MUC7: variants seen among roughly 807,000 people sequenced by gnomAD.
MUC7 encodes mucin-7.
Under a neutral mutation model 2.5 loss-of-function variants are expected in MUC7, and 2 were observed. That is an observed-to-expected ratio of 0.81 (90% CI 0.33 to 2.55). MUC7 has a LOEUF of 2.55. Ranked by LOEUF, MUC7 falls within the 30% of genes most tolerant of loss-of-function variation. MUC7 has a pLI of 0.11. For synonymous variants in MUC7, 133 were observed against 173.4 expected (o/e 0.77, Z 1.83); for missense variants, 408 against 455.6 (o/e 0.90, Z 0.95).
In MUC7 at chr4:70,480,018, A is replaced by C. The variant is rs557018197; in HGVS notation, c.55-781A>C. On this transcript the variant is annotated intron_variant, in intron 2 of 2. Coordinates refer to ENST00000304887, the MANE Select transcript of MUC7 (RefSeq NM_152291.3). ...AAAGCCTTTCAGCAGGTGTATTGATAAAAGATCAAGTATCAGATGTACAGT... is the reference window on the plus strand; with the variant it reads ...AAAGCCTTTCAGCAGGTGTATTGATCAAAGATCAAGTATCAGATGTACAGT... 2.2e-4 allele frequency among the ~76,000 whole-genome samples: 34 copies of C among 152,340 alleles called. 1 individual carries two copies. In the South Asian group the frequency reaches 6.6e-3, roughly 30 times the overall value.
At chr4:70,455,621 G>A (rs1229675896) in intron 1 of MUC7, among the ~76,000 whole-genome samples, 1 of 151,918 alleles carries the variant, frequency 6.6e-6, no homozygotes, top group African/African-American at 2.4e-5. Context: ...GATTAAATTG[G>A]GAGAAAGATA....
At chr4:70,459,272 C>A (rs1734489852) in intron 1 of MUC7, among the ~76,000 whole-genome samples, 1 of 152,132 alleles carries the variant, frequency 6.6e-6, no homozygotes, top group South Asian at 2.1e-4. Flanking sequence ...GAGTTCATGT[C>A]CTTTGTAGGG....
At chr4:70,477,673 G>A (rs1314739430) in intron 2 of MUC7, among the ~76,000 whole-genome samples, 1 of 151,948 alleles carries the variant, frequency 6.6e-6, no homozygotes, top group Non-Finnish European at 1.5e-5. Flanking sequence ...TTTGCAAATG[G>A]AGAAACATTC....
In MUC7 at chr4:70,482,220, C is replaced by T. The variant is rs2109751664; in HGVS notation, c.*342C>T. The T allele has an allele frequency of 4.0e-6, 1 of 251,192 alleles. No homozygotes were observed. Among genetic ancestry groups the T allele is most frequent in the Non-Finnish European group, 7.6e-6 (1 of 131,252 alleles). 15.6% of individuals were successfully genotyped at this position (251,192 alleles called of 1,614,324 possible). On this transcript the variant is annotated 3_prime_UTR_variant, in exon 3 of 3. Coordinates refer to ENST00000304887, the MANE Select transcript of MUC7 (RefSeq NM_152291.3). ...CTGAATGTTAGAAACTACAAAACCA[C>T]TACCTTGTACCCCCATCAAAATCCC...
intron 1 of MUC7, among the ~76,000 whole-genome samples, chr4:70,464,528 T>TCGCTG (rs1173681560): frequency 6.6e-6 from 1 of 152,108 alleles, no homozygotes; most frequent in Non-Finnish European, 1.5e-5. Flanking sequence ...CACAACAGTC[T>TCGCTG]GAAGTCAATC....
At chr4:70,447,679 A>G (rs1055897203) in intron 1 of MUC7, among the ~76,000 whole-genome samples, 2 of 152,096 alleles carry the variant, frequency 1.3e-5, no homozygotes, top group Non-Finnish European at 2.9e-5. Flanking sequence ...AGGTGTATAT[A>G]TTTGTGGGTT....
At chr4:70,450,693 T>A (rs1260572903) in intron 1 of MUC7, among the ~76,000 whole-genome samples, 1 of 152,112 alleles carries the variant, frequency 6.6e-6, no homozygotes, top group Admixed American at 6.6e-5. Flanking sequence ...GTTCTTTCCT[T>A]CAAGGCAGCA....
chr4:70,468,105 C>T (rs747009271), upstream of MUC7, among the ~76,000 whole-genome samples: 41 of 152,110 alleles, frequency 2.7e-4, no homozygotes, highest in Admixed American at 3.9e-4. Context: ...GTTCAACATA[C>T]GCAAATCAAT....
chr4:70,450,879 C>T (rs1318428821), intron 1 of MUC7, among the ~76,000 whole-genome samples: 1 of 152,098 alleles, frequency 6.6e-6, no homozygotes, highest in Admixed American at 6.5e-5. Flanking sequence ...AAGAAGGGGT[C>T]TCTTTTCGAG....
intron 1 of MUC7, among the ~76,000 whole-genome samples, chr4:70,455,989 C>T (rs1383224517): frequency 1.3e-5 from 2 of 152,140 alleles, no homozygotes; most frequent in Non-Finnish European, 2.9e-5. Flanking sequence ...TCCTAATTTC[C>T]ATGTGAGACC....
intron 1 of MUC7, among the ~76,000 whole-genome samples, chr4:70,446,390 C>A (rs1734136093): frequency 6.6e-6 from 1 of 152,086 alleles, no homozygotes; most frequent in South Asian, 2.1e-4. Flanking sequence ...GGCCATCTTG[C>A]CTGTGAAACC....
In MUC7 at chr4:70,447,265, A is replaced by T. The variant is rs560472987; in HGVS notation, c.-93+16578A>T. ...CATACATAAAATGGGGATAACAATG[A>T]TGTCTTAAAGGACTATGGAGAAGAC... On this transcript the variant is annotated intron_variant, in intron 1 of 3. Transcript: ENST00000413702. Among the ~76,000 whole-genome samples, 45 of 152,326 alleles carry T rather than the reference A, an allele frequency of 3.0e-4. 1 individual carries two copies. The highest frequency in any genetic ancestry group is 1.2e-3 in the South Asian group (6 of 4,830).
At chr4:70,433,344 G>C (rs1733732707) in intron 1 of MUC7, among the ~76,000 whole-genome samples, 1 of 152,094 alleles carries the variant, frequency 6.6e-6, no homozygotes, top group Non-Finnish European at 1.5e-5. Flanking sequence ...TCAAGATATT[G>C]ATTCTTCCTA....
At chr4:70,479,940 T>C (rs1735117524) in intron 2 of MUC7, among the ~76,000 whole-genome samples, 1 of 152,174 alleles carries the variant, frequency 6.6e-6, no homozygotes. Flanking sequence ...CAGGCGGCCT[T>C]AGGAATTACA....
At chr4:70,476,114 G>T (rs1389272105) in intron 2 of MUC7, among the ~76,000 whole-genome samples, 2 of 152,166 alleles carry the variant, frequency 1.3e-5, no homozygotes, top group African/African-American at 4.8e-5. Context: ...TCACAGGGCT[G>T]CTGAAGGGTA....
chr4:70,439,407 T>C (rs957093467), intron 1 of MUC7, among the ~76,000 whole-genome samples: 6 of 152,082 alleles, frequency 3.9e-5, no homozygotes, highest in Non-Finnish European at 7.4e-5. Flanking sequence ...AAGCAGGGGA[T>C]TTGGTGCCCG....
At chr4:70,456,426 G>C (rs1301257997) in intron 1 of MUC7, among the ~76,000 whole-genome samples, 1 of 152,154 alleles carries the variant, frequency 6.6e-6, no homozygotes, top group Non-Finnish European at 1.5e-5. Flanking sequence ...CTGAGACTGG[G>C]TAATTTATAA....
chr4:70,443,129 AC>A (rs746983627), intron 1 of MUC7, among the ~76,000 whole-genome samples: 1 of 152,046 alleles, frequency 6.6e-6, no homozygotes, highest in Non-Finnish European at 1.5e-5. Context: ...AATCTAAAAC[AC>A]CCAGATGTTT....
rs764652454 is a variant in MUC7, at chr4:70,474,074, C to T, written c.53C>T (p.Ser18Leu). The T allele has an allele frequency of 8.7e-6, 14 of 1,612,142 alleles. No individual in the cohort carries two copies. Among genetic ancestry groups the T allele is most frequent in the Non-Finnish European group, 1.2e-5 (14 of 1,178,702 alleles). The change falls in exon 2 of 3, where the codon TCG (serine) becomes TTG (leucine). Residue 18 changes from serine to leucine, a missense_variant and splice_region_variant. Physicochemically the swap from Ser to Leu is moderately radical, Grantham distance 145. This residue lies in a region of MUC7 where 225 missense variants were observed against 240.5 expected (regional missense o/e 0.94). Transcript: ENST00000304887. Reference sequence around the variant, plus strand: ...ATCTGTGCACTGAGTGCTTGCTTCTCGGTAAGTATTCACCCAAATAAGTTT... The same window carrying T: ...ATCTGTGCACTGAGTGCTTGCTTCTTGGTAAGTATTCACCCAAATAAGTTT... Reference protein sequence around the residue: ...VCICALSACFSFSEGRERDHE... With the variant: ...VCICALSACFLFSEGRERDHE...
Sources: gnomAD v4.1 joint callset for allele counts (sites outside exome capture counted in the v4.1 genomes callset) on GRCh38, gnomAD v4.1.1 for gene constraint, gnomAD v4.1.1 regional missense constraint, MANE v1.5 for transcripts, NCBI Gene and HGNC (gene_info 2026-07-23, HGNC 2026-07-21) for gene names.